ABI2: variants seen among roughly 807,000 people sequenced by gnomAD.
ABI2 encodes abelson interactor 2.
A neutral mutation model predicts 59.2 loss-of-function variants in ABI2; 25 were observed. That is an observed-to-expected ratio of 0.42 (90% confidence interval 0.31 to 0.59). The LOEUF is 0.59. Ranked by LOEUF, ABI2 falls within the 20% of genes least tolerant of loss-of-function variation. ABI2 has a pLI of 0.14. For missense variants in ABI2, 545 were observed against 681.8 expected, an observed-to-expected ratio of 0.80 and a Z score of 2.23; for synonymous variants, 213 against 235.5, an observed-to-expected ratio of 0.90 and a Z score of 0.87.
In ABI2 at chr2:203,397,071, T is replaced by TA. The variant is rs35048548; in HGVS notation, c.1033+113dup. On this transcript the variant is annotated intron_variant, in intron 8 of 11. Coordinates refer to ENST00000261018, the MANE Select transcript of ABI2 (RefSeq NM_001375670.1). Reference sequence around the variant, plus strand: ...TTTTTGGTTTTGTTGTACTTCGTATTAAAAAAAAATAAGAATAATGTACTA... The same window carrying TA: ...TTTTTGGTTTTGTTGTACTTCGTATTAAAAAAAAAATAAGAATAATGTACTA... The TA allele has an allele frequency of 5.7e-4, 703 of 1,241,688 alleles. 2 individuals are homozygous for TA. Among genetic ancestry groups the TA allele is most frequent in the Middle Eastern group, 3.1e-3 (15 of 4,884 alleles). The allele number at this position is 1,241,688 out of a possible 1,614,324, so 76.9% of individuals were successfully genotyped here.
chr2:203,371,408 G>A (rs910498913), intron 2 of ABI2, among the ~76,000 whole-genome samples: 1 of 152,122 alleles, frequency 6.6e-6, no homozygotes, highest in Non-Finnish European at 1.5e-5. Flanking sequence ...TAATTGATTA[G>A]GAATATATAG....
At position 203,408,833 on chromosome 2, in the gene ABI2, C is replaced by CTTTCTTTTTTTTT. The variant is rs1259310860; in HGVS notation, c.1193-2449_1193-2448insCTTTTTTTTTTTT. 7.1e-3 allele frequency among the ~76,000 whole-genome samples: 620 copies of CTTTCTTTTTTTTT among 87,152 alleles called. 30 individuals are homozygous for CTTTCTTTTTTTTT. Among genetic ancestry groups the CTTTCTTTTTTTTT allele is most frequent in the South Asian group, 0.032 (62 of 1,940 alleles). 57.2% of individuals were successfully genotyped at this position (87,152 alleles called of 152,430 possible). On this transcript the variant is annotated intron_variant, in intron 9 of 11. Coordinates refer to ENST00000261018, the MANE Select transcript of ABI2 (RefSeq NM_001375670.1). ...TTTTGTCTATGCTACCTTCTCCTTT[C>CTTTCTTTTTTTTT]TTTTTTTTTTTTTTTTGAGACGGAG...
intron 5 of ABI2, among the ~76,000 whole-genome samples, chr2:203,392,748 A>G (rs1473242351): frequency 2.0e-5 from 3 of 152,136 alleles, no homozygotes; most frequent in African/African-American, 4.8e-5. Context: ...AAGATAAGCT[A>G]CTTAGTCCCC....
chr2:203,385,136 A>ATTTTTTTT (rs1231169110), intron 4 of ABI2, among the ~76,000 whole-genome samples: 2 of 26,242 alleles, frequency 7.6e-5, no homozygotes, highest in African/African-American at 1.9e-4. Flanking sequence ...CCCGGCTCAG[A>ATTTTTTTT]TTCTTTTTTT....
rs189482371 is a variant in ABI2, at chr2:203,348,988, A to G, written c.118-17889A>G. Among the ~76,000 whole-genome samples the G allele has an allele frequency of 2.0e-5, 3 of 152,062 alleles. No homozygotes were observed. In the East Asian group the frequency reaches 5.8e-4, roughly 29 times the overall value. On this transcript the variant is annotated intron_variant, in intron 1 of 11. Transcript: ENST00000261018. ...ACTTCCATTGTCTAGGCTGGAGTGC[A>G]ATGGTGTGATCTCGGCTCACTGCAG...
At chr2:203,408,164 A>C (rs1333575938) in intron 9 of ABI2, among the ~76,000 whole-genome samples, 2 of 74,074 alleles carry the variant, frequency 2.7e-5, no homozygotes, top group African/African-American at 7.5e-5. Flanking sequence ...CTGCTGGTGG[A>C]CTTTTTTTTT....
At chr2:203,404,940 G>A (rs1316740317) in intron 9 of ABI2, among the ~76,000 whole-genome samples, 1 of 152,126 alleles carries the variant, frequency 6.6e-6, no homozygotes, top group African/African-American at 2.4e-5. Context: ...TTATTTGAAG[G>A]CTGTTTAAGC....
At position 203,333,149 on chromosome 2, in the gene ABI2, A is replaced by G. The variant is rs7598891; in HGVS notation, c.117+4518A>G. On this transcript the variant is annotated intron_variant, in intron 1 of 11. Transcript: ENST00000261018. ...AATTACCAAAATGATACAAAGATTT[A>G]AAATTTTTATTTAATAAAAATCATT... Among the ~76,000 whole-genome samples the G allele has an allele frequency of 2.1e-3, 326 of 152,342 alleles. 2 individuals are homozygous for G. The highest frequency in any genetic ancestry group is 7.3e-3 in the African/African-American group (304 of 41,574).
intron 4 of ABI2, 146 bp downstream of exon 4, chr2:203,382,352 G>C: frequency 1.4e-6 from 1 of 722,878 alleles, no homozygotes. Flanking sequence ...ATGCAACTTT[G>C]TGGTGTGTCT....
At chr2:203,378,333 G>A (rs183829761) in intron 2 of ABI2, among the ~76,000 whole-genome samples, 126 of 152,194 alleles carry the variant, frequency 8.3e-4, no homozygotes, top group African/African-American at 2.2e-3. Context: ...GGATGGTCTC[G>A]ATCTCCGGAC....
Position 203,426,952 on chromosome 2 carries a change from A to G in ABI2, c.1454-225A>G, listed in dbSNP as rs548447258. Among the ~76,000 whole-genome samples the G allele has an allele frequency of 3.6e-3, 541 of 151,882 alleles. 3 individuals carry two copies. The highest frequency in any genetic ancestry group is 6.7e-3 in the Non-Finnish European group (453 of 67,948). Reference sequence around the variant, plus strand: ...ATTTGATTAAATGTGCTTTTTCCCCATTTGTACTCAATTTAGAGCCTAACA... The same window carrying G: ...ATTTGATTAAATGTGCTTTTTCCCCGTTTGTACTCAATTTAGAGCCTAACA... On this transcript the variant is annotated intron_variant, in intron 11 of 11. Transcript: ENST00000261018.
chr2:203,349,701 G>A (rs1448124425), intron 1 of ABI2, among the ~76,000 whole-genome samples: 6 of 151,868 alleles, frequency 4.0e-5, no homozygotes, highest in South Asian at 2.1e-4. Context: ...CACTGTGCCC[G>A]GCTGTGTTCA....
chr2:203,399,703 C>T (rs1385662130), intron 8 of ABI2, among the ~76,000 whole-genome samples: 3 of 152,072 alleles, frequency 2.0e-5, no homozygotes, highest in Non-Finnish European at 4.4e-5. Flanking sequence ...TTAGTAGAGA[C>T]GGGGTTTCAC....
In ABI2 at chr2:203,427,561, A is replaced by G. The variant is rs2098450721; in HGVS notation, c.*209A>G. ...TTCTGCCATCATTTGTACAATGCTG[A>G]GCTGTCTGGATTGAAATAAAATGAC... On this transcript the variant is annotated 3_prime_UTR_variant, in exon 12 of 12. Coordinates refer to ENST00000261018, the MANE Select transcript of ABI2 (RefSeq NM_001375670.1). 1 of 488,594 alleles carries G rather than the reference A, an allele frequency of 2.0e-6. No homozygotes were observed. Among genetic ancestry groups the G allele is most frequent in the Non-Finnish European group, 3.6e-6 (1 of 275,562 alleles). The allele number at this position is 488,594 out of a possible 1,614,324, so 30.3% of individuals were successfully genotyped here.
intron 1 of ABI2, among the ~76,000 whole-genome samples, chr2:203,336,595 G>T (rs987721252): frequency 6.6e-6 from 1 of 152,194 alleles, no homozygotes; most frequent in Non-Finnish European, 1.5e-5. Flanking sequence ...CAGGCTGTAA[G>T]ACTTTAGTTG....
chr2:203,375,957 G>A, intron 2 of ABI2: 1 of 860,564 alleles, frequency 1.2e-6, no homozygotes, highest in Non-Finnish European at 1.8e-6. Flanking sequence ...AACCCCGTGT[G>A]GTAGTATGAT....
chr2:203,421,134 A>T (rs535926161), intron 11 of ABI2, among the ~76,000 whole-genome samples: 2 of 152,344 alleles, frequency 1.3e-5, no homozygotes, highest in Non-Finnish European at 2.9e-5. Flanking sequence ...ATATCCATCT[A>T]CTTATGTAAC....
At position 203,394,866 on chromosome 2, in the gene ABI2, G is replaced by A; in HGVS notation, c.725+20G>A. On this transcript the variant is annotated intron_variant, in intron 6 of 11. Coordinates refer to ENST00000261018, the MANE Select transcript of ABI2 (RefSeq NM_001375670.1). The stretch of plus-strand genomic sequence containing the variant: ...TTACAGGTATTTTCTCTACCTCAGT[G>A]CAAAATGTGATGGTCATAGTACCAT... The A allele has an allele frequency of 6.2e-7, 1 of 1,612,780 alleles. No individual in the cohort carries two copies.
Position 203,432,087 on chromosome 2 carries a change from C to T in ABI2, c.*4735C>T, listed in dbSNP as rs930177871. On this transcript the variant is annotated 3_prime_UTR_variant, in exon 12 of 12. Coordinates refer to ENST00000261018, the MANE Select transcript of ABI2 (RefSeq NM_001375670.1). ...AACCACCTCCAGATGAGTGGAGGAACATCACTTTTTAATTTTTTAATTGTA... is the reference window on the plus strand; with the variant it reads ...AACCACCTCCAGATGAGTGGAGGAATATCACTTTTTAATTTTTTAATTGTA... 6.6e-6 allele frequency: 1 copy of T among 152,156 alleles called. No homozygotes were observed. Among genetic ancestry groups the T allele is most frequent in the Non-Finnish European group, 1.5e-5 (1 of 68,032 alleles). The allele number at this position is 152,156 out of a possible 1,614,324, so 9.4% of individuals were successfully genotyped here. A position where few individuals can be genotyped will look rare whatever the true frequency, so the allele number is the denominator to read the frequency against.
Sources: gnomAD v4.1 joint callset for allele counts (sites outside exome capture counted in the v4.1 genomes callset) on GRCh38, gnomAD v4.1.1 for gene constraint, MANE v1.5 for transcripts, NCBI Gene and HGNC (gene_info 2026-07-23, HGNC 2026-07-21) for gene names.